Variants in ITGBL1 observed in about 807,000 individuals in gnomAD.
The protein encoded by ITGBL1 is integrin subunit beta like 1, also known as integrin beta-like protein 1.
In ITGBL1, 51 loss-of-function variants were observed where a neutral mutation model predicts 68.5. That is an observed-to-expected ratio of 0.74 (90% CI 0.59 to 0.94). The LOEUF (loss-of-function observed/expected upper bound fraction) is 0.94, where lower values mean the gene tolerates loss of function less well. ITGBL1 is among the 40% of genes least tolerant of loss of function. ITGBL1 has a pLI of 0.00. For missense variants in ITGBL1, 649 were observed against 647.4 expected, an observed-to-expected ratio of 1.00 and a Z score of -0.03; for synonymous variants, 209 against 227.3, an observed-to-expected ratio of 0.92 and a Z score of 0.72.
At chr13:101,495,730 G>T (rs748231802) in intron 2 of ITGBL1, among the ~76,000 whole-genome samples, 18 of 152,094 alleles carry the variant, frequency 1.2e-4, no homozygotes, top group Non-Finnish European at 2.1e-4. Flanking sequence ...TTAAGGGGGG[G>T]TCTTTAGTTG....
At chr13:101,503,428 A>G (rs1047844570) in intron 2 of ITGBL1, among the ~76,000 whole-genome samples, 1 of 152,164 alleles carries the variant, frequency 6.6e-6, no homozygotes, top group South Asian at 2.1e-4. Context: ...AATGGGAAAC[A>G]CTATTCTGAA....
intron 5 of ITGBL1, 95 bp from the exon 6 acceptor site, chr13:101,583,121 C>A: frequency 1.5e-6 from 2 of 1,292,448 alleles, no homozygotes; most frequent in Non-Finnish European, 2.2e-6. Context: ...TTTTTTCAAA[C>A]ACAAAGTAAA....
At chr13:101,523,863 C>A (rs955383190) in intron 2 of ITGBL1, among the ~76,000 whole-genome samples, 1 of 152,156 alleles carries the variant, frequency 6.6e-6, no homozygotes, top group African/African-American at 2.4e-5. Flanking sequence ...GTAGAAAGGA[C>A]GGACATTTCA....
At chr13:101,714,674 C>T (rs746347202) in intron 10 of ITGBL1, 123 bp downstream of exon 10, 1 of 659,666 alleles carries the variant, frequency 1.5e-6, no homozygotes, top group Non-Finnish European at 2.7e-6. Context: ...GAAATATCTA[C>T]CAAAGGCGAA....
chr13:101,652,088 A>T (rs2032771471), intron 7 of ITGBL1, among the ~76,000 whole-genome samples: 1 of 152,058 alleles, frequency 6.6e-6, no homozygotes, highest in South Asian at 2.1e-4. Context: ...TTTAAAAAAA[A>T]TTATTTATTT....
chr13:101,568,924 T>A (rs960024018), intron 3 of ITGBL1, among the ~76,000 whole-genome samples: 1 of 152,104 alleles, frequency 6.6e-6, no homozygotes, highest in African/African-American at 2.4e-5. Context: ...TAGGTCCCTT[T>A]CTGTGTTCAT....
intron 2 of ITGBL1, among the ~76,000 whole-genome samples, chr13:101,547,345 A>C (rs1263146333): frequency 2.0e-5 from 3 of 151,928 alleles, no homozygotes; most frequent in Non-Finnish European, 4.4e-5. Context: ...TTCTGCTATC[A>C]TCTTTAATTA....
chr13:101,583,150 A>C (rs2050490601), intron 5 of ITGBL1, 66 bp from the exon 6 acceptor site: 18 of 1,453,190 alleles, frequency 1.2e-5, no homozygotes, highest in Non-Finnish European at 1.6e-5. Context: ...AATAAGCGAT[A>C]TGTGAAATGC....
At chr13:101,626,438 A>T (rs1356107247) in intron 7 of ITGBL1, among the ~76,000 whole-genome samples, 1 of 152,200 alleles carries the variant, frequency 6.6e-6, no homozygotes, top group Admixed American at 6.5e-5. Context: ...TTACCTTAGA[A>T]GTTAGCTTGG....
intron 7 of ITGBL1, among the ~76,000 whole-genome samples, chr13:101,664,478 T>G (rs2033165165): frequency 6.6e-6 from 1 of 152,170 alleles, no homozygotes; most frequent in Admixed American, 6.5e-5. Context: ...TGTTTCTTTT[T>G]TAAATATTGT....
rs150610646 is a variant in ITGBL1, at chr13:101,585,227, T to C, written c.868+1871T>C. ...CTGGGAAAATGTTGGTGCCATTTAC[T>C]GAAATAGGGAATATGGAAGGAAGCT... On this transcript the variant is annotated intron_variant, in intron 6 of 10. Coordinates refer to ENST00000376180, the MANE Select transcript of ITGBL1 (RefSeq NM_004791.3). 6.6e-4 allele frequency among the ~76,000 whole-genome samples: 100 copies of C among 152,240 alleles called. 2 individuals carry two copies. Among genetic ancestry groups the C allele is most frequent in the South Asian group, 3.5e-3 (17 of 4,824 alleles).
downstream of ITGBL1, chr13:101,719,932 A>AT (rs1224538871): frequency 5.9e-5 from 9 of 152,064 alleles, no homozygotes; most frequent in African/African-American, 2.2e-4. Context: ...AAGAGCTAAA[A>AT]TTTTCTTTGG....
intron 7 of ITGBL1, among the ~76,000 whole-genome samples, chr13:101,656,696 T>C (rs1056506095): frequency 9.2e-5 from 14 of 152,230 alleles, no homozygotes; most frequent in African/African-American, 3.4e-4. Flanking sequence ...TTGTTTGTAA[T>C]AGGTGACAAT....
chr13:101,602,027 T>C (rs1263808432), intron 7 of ITGBL1, among the ~76,000 whole-genome samples: 1 of 152,074 alleles, frequency 6.6e-6, no homozygotes, highest in South Asian at 2.1e-4. Context: ...TCTCTTTATA[T>C]ATATCTTTTG....
At chr13:101,709,560 A>G (rs976446717) in intron 9 of ITGBL1, among the ~76,000 whole-genome samples, 8 of 152,126 alleles carry the variant, frequency 5.3e-5, no homozygotes, top group Admixed American at 3.3e-4. Context: ...GGCTTCAGAC[A>G]TAGAGCACTT....
At chr13:101,620,410 G>T (rs2031537169) in intron 7 of ITGBL1, among the ~76,000 whole-genome samples, 1 of 152,286 alleles carries the variant, frequency 6.6e-6, no homozygotes. Flanking sequence ...CACATCTGTT[G>T]TAAGTGGCTC....
At chr13:101,660,349 G>C (rs981040222) in intron 7 of ITGBL1, among the ~76,000 whole-genome samples, 1 of 152,086 alleles carries the variant, frequency 6.6e-6, no homozygotes, top group African/African-American at 2.4e-5. Context: ...CTCTAAGCCA[G>C]TTCCTGGGTG....
chr13:101,685,729 A>AT (rs1470108770), intron 7 of ITGBL1, among the ~76,000 whole-genome samples: 38 of 151,930 alleles, frequency 2.5e-4, no homozygotes, highest in Middle Eastern at 3.4e-3. Context: ...CATGTAAGAC[A>AT]GTTGTTTAAT....
chr13:101,614,243 A>G (rs1215329552), intron 7 of ITGBL1, among the ~76,000 whole-genome samples: 1 of 152,200 alleles, frequency 6.6e-6, no homozygotes, highest in Non-Finnish European at 1.5e-5. Flanking sequence ...TCAGAAATGC[A>G]TTTTGGGTTT....
Sources: allele counts gnomAD v4.1 joint callset (sites outside exome capture counted in the v4.1 genomes callset), GRCh38; gene constraint gnomAD v4.1.1; transcripts MANE v1.5; gene names NCBI Gene and HGNC (gene_info 2026-07-23, HGNC 2026-07-21).